VTI1A: variants seen among roughly 807,000 people sequenced by gnomAD.
VTI1A encodes the protein vesicle transport through interaction with t-SNAREs 1A.
A neutral mutation model predicts 34.9 loss-of-function variants in VTI1A; 22 were observed. The observed-to-expected ratio is 0.63, with a 90% CI of 0.45 to 0.90. VTI1A has a LOEUF of 0.90. VTI1A is among the 40% of genes least tolerant of loss of function. VTI1A has a pLI of 0.00. For missense variants in VTI1A, 268 were observed against 275.6 expected, an observed-to-expected ratio of 0.97 and a Z score of 0.20; for synonymous variants, 87 against 97.3, an observed-to-expected ratio of 0.89 and a Z score of 0.62.
intron 5 of VTI1A, among the ~76,000 whole-genome samples, chr10:112,662,318 C>T (rs934953333): frequency 6.6e-6 from 1 of 152,122 alleles, no homozygotes; most frequent in African/African-American, 2.4e-5. Flanking sequence ...CTTGTTATAA[C>T]CTCACAAGTT....
chr10:112,673,924 CT>C (rs1466260400), intron 7 of VTI1A, among the ~76,000 whole-genome samples: 8 of 149,010 alleles, frequency 5.4e-5, no homozygotes, highest in African/African-American at 2.0e-4. Context: ...GATGTTTAAG[CT>C]TTTTTTAAAA....
intron 7 of VTI1A, among the ~76,000 whole-genome samples, chr10:112,691,720 G>T (rs934289298): frequency 6.6e-6 from 1 of 152,300 alleles, no homozygotes; most frequent in Non-Finnish European, 1.5e-5. Context: ...TGATGGGAGG[G>T]TACATTGACA....
intron 7 of VTI1A, among the ~76,000 whole-genome samples, chr10:112,698,898 T>G (rs1045182856): frequency 6.6e-6 from 1 of 152,218 alleles, no homozygotes; most frequent in African/African-American, 2.4e-5. Context: ...TCCACACTTG[T>G]GTTCCTTCAG....
intron 5 of VTI1A, among the ~76,000 whole-genome samples, chr10:112,543,452 G>A (rs1488624125): frequency 6.6e-6 from 1 of 152,182 alleles, no homozygotes; most frequent in African/African-American, 2.4e-5. Flanking sequence ...TTTTTCATAT[G>A]TCTGTTGGCT....
At chr10:112,702,984 T>C (rs576755015) in intron 7 of VTI1A, among the ~76,000 whole-genome samples, 1 of 152,336 alleles carries the variant, frequency 6.6e-6, no homozygotes, top group South Asian at 2.1e-4. Flanking sequence ...GCTAGACCAT[T>C]CTTATTTTAA....
chr10:112,708,731 C>T (rs999682773), intron 7 of VTI1A, among the ~76,000 whole-genome samples: 3 of 152,212 alleles, frequency 2.0e-5, no homozygotes, highest in Admixed American at 6.5e-5. Flanking sequence ...CAGTCTAGCT[C>T]GTGATGATCA....
At chr10:112,683,426 TC>T (rs1848287970) in intron 7 of VTI1A, among the ~76,000 whole-genome samples, 1 of 152,244 alleles carries the variant, frequency 6.6e-6, no homozygotes, top group East Asian at 1.9e-4. Flanking sequence ...GATTTGTTTT[TC>T]TGCAATATTA....
chr10:112,531,024 T>A (rs1014124446), intron 4 of VTI1A, among the ~76,000 whole-genome samples: 2 of 150,138 alleles, frequency 1.3e-5, no homozygotes, highest in African/African-American at 4.9e-5. Flanking sequence ...TTATCAGCTT[T>A]AAAAAAAATT....
intron 3 of VTI1A, among the ~76,000 whole-genome samples, chr10:112,505,698 G>C (rs1377302633): frequency 2.0e-5 from 3 of 150,736 alleles, no homozygotes; most frequent in Non-Finnish European, 4.4e-5. Flanking sequence ...TTTTGAGATG[G>C]GGTCTTGTTC....
chr10:112,841,177 A>G, the VTI1A span, among the ~76,000 whole-genome samples: 1 of 152,234 alleles, frequency 6.6e-6, no homozygotes, highest in Non-Finnish European at 1.5e-5. Flanking sequence ...TACTAAAGAC[A>G]CTGCGGGACT....
At chr10:112,487,182 G>A (rs1848668620) in intron 3 of VTI1A, among the ~76,000 whole-genome samples, 1 of 152,088 alleles carries the variant, frequency 6.6e-6, no homozygotes, top group Non-Finnish European at 1.5e-5. Flanking sequence ...GAAGTGAGGT[G>A]GCATGATCTT....
chr10:112,512,017 A>G (rs946545442), intron 3 of VTI1A, among the ~76,000 whole-genome samples: 1 of 152,204 alleles, frequency 6.6e-6, no homozygotes, highest in African/African-American at 2.4e-5. Context: ...TAGTGCTACA[A>G]TAAACATGCT....
At chr10:112,784,095 CT>C (rs1377845820) in intron 7 of VTI1A, among the ~76,000 whole-genome samples, 1 of 152,196 alleles carries the variant, frequency 6.6e-6, no homozygotes, top group Non-Finnish European at 1.5e-5. Context: ...GCACACTAAT[CT>C]TTTTTTCTCT....
intron 5 of VTI1A, among the ~76,000 whole-genome samples, chr10:112,562,609 TTAGA>T (rs1851764800): frequency 6.6e-6 from 1 of 152,160 alleles, no homozygotes; most frequent in East Asian, 1.9e-4. Context: ...GTCTCTTGAT[TTAGA>T]TAGTTTTATC....
At chr10:112,704,710 T>C (rs1413292608) in intron 7 of VTI1A, among the ~76,000 whole-genome samples, 3 of 152,192 alleles carry the variant, frequency 2.0e-5, no homozygotes, top group Admixed American at 6.5e-5. Context: ...CACTCTCTAA[T>C]TGGTAGTTGA....
rs80265605 is a variant in VTI1A at position 112,759,469 on chromosome 10, G to A, written c.561-55821G>A. Reference sequence around the variant, plus strand: ...AAATCCATTTCTTATTTCCCCGAGCGTATAGAGTTCGTTCACATGCCTACC... The same window carrying A: ...AAATCCATTTCTTATTTCCCCGAGCATATAGAGTTCGTTCACATGCCTACC... On this transcript the variant is annotated intron_variant, in intron 7 of 7. Coordinates refer to ENST00000393077, the MANE Select transcript of VTI1A (RefSeq NM_145206.4). Among the ~76,000 whole-genome samples the A allele has an allele frequency of 2.9e-3, 436 of 152,242 alleles. 4 individuals are homozygous for A. Among genetic ancestry groups the A allele is most frequent in the African/African-American group, 9.6e-3 (398 of 41,550 alleles).
rs903248205 is a variant in VTI1A at position 112,464,578 on chromosome 10, T to C, written c.185T>C (p.Ile62Thr). The C allele has an allele frequency of 3.1e-6, 5 of 1,612,848 alleles. No homozygotes were observed. The African/African-American group carries it at 6.7e-5, about 22-fold the overall frequency. ...CAGATGGATTTGGAAGTCCGAGAGATACCACCCCAAAGTCGAGGGATGTAC... is the reference window on the plus strand; with the variant it reads ...CAGATGGATTTGGAAGTCCGAGAGACACCACCCCAAAGTCGAGGGATGTAC... ...LEQMDLEVREIPPQSRGMYSN... is the reference protein window; with the variant it reads ...LEQMDLEVRETPPQSRGMYSN... Residue 62 changes from isoleucine (I) to threonine (T), a missense_variant, in exon 3 of 8, where the codon ATA becomes ACA. Coordinates refer to ENST00000393077, the MANE Select transcript of VTI1A (RefSeq NM_145206.4).
intron 5 of VTI1A, among the ~76,000 whole-genome samples, chr10:112,613,267 C>T (rs2134526140): frequency 6.6e-6 from 1 of 152,228 alleles, no homozygotes; most frequent in African/African-American, 2.4e-5. Flanking sequence ...TACAATTGTG[C>T]ATCTTTCGTG....
At chr10:112,600,626 A>G (rs1209455301) in intron 5 of VTI1A, among the ~76,000 whole-genome samples, 1 of 152,116 alleles carries the variant, frequency 6.6e-6, no homozygotes, top group Non-Finnish European at 1.5e-5. Context: ...ACTTATCACT[A>G]ACTGACCTTA....
Sources: allele counts gnomAD v4.1 joint callset (sites outside exome capture counted in the v4.1 genomes callset), GRCh38; gene constraint gnomAD v4.1.1; transcripts MANE v1.5; gene names NCBI Gene and HGNC (gene_info 2026-07-23, HGNC 2026-07-21).